DCDC2: variants seen among roughly 807,000 people sequenced by gnomAD.
DCDC2 encodes the protein doublecortin domain-containing protein 2.
A neutral mutation model predicts 50.2 loss-of-function variants in DCDC2; 40 were observed. That is an observed-to-expected ratio of 0.80 (90% CI 0.62 to 1.04). The LOEUF is 1.04. DCDC2 is among the 50% of genes least tolerant of loss of function. The pLI, the probability that DCDC2 is intolerant of heterozygous loss-of-function variation, is 0.00. For synonymous variants in DCDC2, 234 were observed against 210.6 expected (o/e 1.11, Z -0.96); for missense variants, 570 against 581.9 (o/e 0.98, Z 0.21).
chr6:24,297,140 G>A (rs986987692), intron 4 of DCDC2, among the ~76,000 whole-genome samples: 8 of 151,272 alleles, frequency 5.3e-5, no homozygotes, highest in African/African-American at 1.5e-4. Flanking sequence ...CCATAAAAAA[G>A]GGTCAGATCA....
At chr6:24,191,718 A>G (rs1316824792) in intron 8 of DCDC2, among the ~76,000 whole-genome samples, 1 of 152,206 alleles carries the variant, frequency 6.6e-6, no homozygotes, top group African/African-American at 2.4e-5. Flanking sequence ...AGCAGATTGA[A>G]TAAATGGGAG....
At chr6:24,350,722 C>T (rs1388079583) in intron 2 of DCDC2, among the ~76,000 whole-genome samples, 1 of 152,100 alleles carries the variant, frequency 6.6e-6, no homozygotes, top group African/African-American at 2.4e-5. Flanking sequence ...TGTTCTAAAT[C>T]CACTTCAAAA....
At chr6:24,200,470 G>A (rs1761560571) in intron 8 of DCDC2, among the ~76,000 whole-genome samples, 1 of 152,084 alleles carries the variant, frequency 6.6e-6, no homozygotes, top group African/African-American at 2.4e-5. Flanking sequence ...AGAGACTTTT[G>A]TCACCACCAA....
chr6:24,200,588 A>C (rs1761562404), intron 8 of DCDC2, among the ~76,000 whole-genome samples: 1 of 151,706 alleles, frequency 6.6e-6, no homozygotes, highest in Non-Finnish European at 1.5e-5. Flanking sequence ...CACTAAGAAG[A>C]AACTAACGGG....
At chr6:24,234,020 G>A (rs1290302463) in intron 7 of DCDC2, among the ~76,000 whole-genome samples, 1 of 152,168 alleles carries the variant, frequency 6.6e-6, no homozygotes, top group Non-Finnish European at 1.5e-5. Context: ...TGTGAGAGAT[G>A]CACATAAAAT....
At chr6:24,304,799 G>T (rs1208182089) in intron 2 of DCDC2, among the ~76,000 whole-genome samples, 2 of 152,066 alleles carry the variant, frequency 1.3e-5, no homozygotes, top group South Asian at 2.1e-4. Context: ...ACAAGTGAGG[G>T]TTATATCATT....
intron 2 of DCDC2, among the ~76,000 whole-genome samples, chr6:24,329,711 G>A (rs1340927461): frequency 3.3e-5 from 5 of 152,112 alleles, no homozygotes; most frequent in Non-Finnish European, 7.4e-5. Context: ...AATAATTCAA[G>A]GAATCCATGA....
At chr6:24,333,521 C>G (rs1027340847) in intron 2 of DCDC2, among the ~76,000 whole-genome samples, 1 of 152,114 alleles carries the variant, frequency 6.6e-6, no homozygotes, top group African/African-American at 2.4e-5. Context: ...TCTAGTGCAG[C>G]CTGATATGTT....
chr6:24,287,888 GC>G (rs1181183767), intron 6 of DCDC2, among the ~76,000 whole-genome samples: 3 of 152,144 alleles, frequency 2.0e-5, no homozygotes, highest in African/African-American at 7.2e-5. Flanking sequence ...ATTGTAAGTT[GC>G]TTGAGGGCAA....
intron 8 of DCDC2, among the ~76,000 whole-genome samples, chr6:24,180,612 A>G (rs530779386): frequency 5.3e-5 from 8 of 151,978 alleles, no homozygotes; most frequent in Admixed American, 1.3e-4. Flanking sequence ...ATGATAGGGT[A>G]GAATGATTTA....
chr6:24,271,591 G>C (rs57018763), intron 7 of DCDC2, among the ~76,000 whole-genome samples: 2 of 152,242 alleles, frequency 1.3e-5, no homozygotes, highest in African/African-American at 2.4e-5. Flanking sequence ...TGACCTGGAG[G>C]CTCTGGCCTA....
the DCDC2 span, among the ~76,000 whole-genome samples, chr6:24,370,670 A>T: frequency 0.025 from 3,744 of 152,300 alleles, 80 homozygotes; most frequent in African/African-American, 0.05. Flanking sequence ...TTTTTATGCA[A>T]CTGCACTCTA....
At chr6:24,248,689 G>A (rs1430920109) in intron 7 of DCDC2, among the ~76,000 whole-genome samples, 4 of 152,064 alleles carry the variant, frequency 2.6e-5, no homozygotes, top group Admixed American at 6.6e-5. Context: ...TACATGCCAC[G>A]TACTCCACCT....
intron 7 of DCDC2, among the ~76,000 whole-genome samples, chr6:24,211,667 A>C (rs1356014498): frequency 6.6e-6 from 1 of 152,162 alleles, no homozygotes; most frequent in Admixed American, 6.5e-5. Context: ...GGCTTTGAAG[A>C]TGGAAAGGCC....
At chr6:24,198,809 CA>C (rs1326596789) in intron 8 of DCDC2, among the ~76,000 whole-genome samples, 1 of 152,118 alleles carries the variant, frequency 6.6e-6, no homozygotes, top group Non-Finnish European at 1.5e-5. Context: ...CTGGGACACT[CA>C]AGCTTGGTGG....
At chr6:24,227,707 C>T (rs1762259960) in intron 7 of DCDC2, among the ~76,000 whole-genome samples, 1 of 152,180 alleles carries the variant, frequency 6.6e-6, no homozygotes, top group African/African-American at 2.4e-5. Context: ...TGACAGAATC[C>T]ACCTGCTGGT....
At chr6:24,194,530 G>A (rs1761389129) in intron 8 of DCDC2, among the ~76,000 whole-genome samples, 1 of 152,132 alleles carries the variant, frequency 6.6e-6, no homozygotes, top group South Asian at 2.1e-4. Context: ...AAATACAATT[G>A]TGTATTTGGT....
intron 8 of DCDC2, among the ~76,000 whole-genome samples, chr6:24,188,834 A>C (rs1761257326): frequency 6.6e-6 from 1 of 152,178 alleles, no homozygotes; most frequent in Non-Finnish European, 1.5e-5. Flanking sequence ...ATAATAGTAT[A>C]AACAATGATC....
intron 2 of DCDC2, among the ~76,000 whole-genome samples, chr6:24,302,392 C>A (rs569639914): frequency 2.4e-4 from 36 of 152,038 alleles, no homozygotes; most frequent in African/African-American, 7.7e-4. Context: ...CCTATAAAAT[C>A]TTGAGCTCTG....
Sources: gnomAD v4.1 joint callset for allele counts (sites outside exome capture counted in the v4.1 genomes callset) on GRCh38, gnomAD v4.1.1 for gene constraint, MANE v1.5 for transcripts, NCBI Gene and HGNC (gene_info 2026-07-23, HGNC 2026-07-21) for gene names.